The following DNAJB14 variants were observed in gnomAD, a reference collection of about 807,000 sequenced individuals.
DNAJB14 encodes dnaJ homolog subfamily B member 14.
A neutral mutation model predicts 48.4 loss-of-function variants in DNAJB14; 22 were observed. The ratio of observed to expected loss-of-function variants is 0.45; its 90% CI spans 0.32 to 0.65. The LOEUF is 0.65. DNAJB14 is among the 30% of genes least tolerant of loss of function. The pLI is 0.03. For synonymous variants in DNAJB14, 142 were observed against 158.7 expected (o/e 0.89, Z 0.79); for missense variants, 319 against 458.8 (o/e 0.70, Z 2.78).
At chr4:99,908,067 C>CA (rs1212347345) in intron 4 of DNAJB14, among the ~76,000 whole-genome samples, 1 of 151,948 alleles carries the variant, frequency 6.6e-6, no homozygotes, top group African/African-American at 2.4e-5. Context: ...TCACAGTTTC[C>CA]AAAAACCTTA....
chr4:99,905,136 C>T (rs78694606), intron 6 of DNAJB14, among the ~76,000 whole-genome samples: 1,632 of 151,734 alleles, frequency 0.011, 26 homozygotes, highest in African/African-American at 0.036. Context: ...ATGTCCTGAC[C>T]TCTTACACAT....
At chr4:99,908,510 A>C (rs548707198) in intron 4 of DNAJB14, among the ~76,000 whole-genome samples, 1 of 152,194 alleles carries the variant, frequency 6.6e-6, no homozygotes, top group African/African-American at 2.4e-5. Flanking sequence ...TTTTAAATTA[A>C]AATATGTTCT....
In DNAJB14 at chr4:99,940,949, A is replaced by T. The variant is rs1023459656; in HGVS notation, c.133+5490T>A. Among the ~76,000 whole-genome samples the T allele has an allele frequency of 3.9e-3, 594 of 150,768 alleles. 2 individuals are homozygous for T. The highest frequency in any genetic ancestry group is 0.014 in the African/African-American group (562 of 41,160). On this transcript the variant is annotated intron_variant, in intron 1 of 7. Coordinates refer to ENST00000442697, the MANE Select transcript of DNAJB14 (RefSeq NM_001031723.4). ...ACAGAGACAATCCCTATATATATAT[A>T]TATTTTTTTTTTGGAACACTTGGGC... is the stretch of plus-strand genomic sequence containing the variant.
At chr4:99,919,024 G>C (rs1725956399) in intron 3 of DNAJB14, among the ~76,000 whole-genome samples, 1 of 152,120 alleles carries the variant, frequency 6.6e-6, no homozygotes, top group African/African-American at 2.4e-5. Context: ...AGCATAGAGA[G>C]GGTGGTAGCA....
chr4:99,930,429 G>A, intron 2 of DNAJB14, 21 bp downstream of exon 2: 1 of 1,566,160 alleles, frequency 6.4e-7, no homozygotes, highest in Non-Finnish European at 8.6e-7. Context: ...TGATTGAGAT[G>A]TAAACCATAT....
chr4:99,901,637 C>T (rs1243221710), intron 7 of DNAJB14, among the ~76,000 whole-genome samples: 1 of 152,000 alleles, frequency 6.6e-6, no homozygotes, highest in Non-Finnish European at 1.5e-5. Flanking sequence ...ACTGAAGGAA[C>T]ACAGATAAAA....
chr4:99,946,275 G>T (rs771084340), intron 1 of DNAJB14, among the ~76,000 whole-genome samples, 164 bp downstream of exon 1: 4 of 152,158 alleles, frequency 2.6e-5, no homozygotes, highest in Non-Finnish European at 4.4e-5. Flanking sequence ...GCTGGGGCCA[G>T]GGCGGGGGTG....
intron 3 of DNAJB14, among the ~76,000 whole-genome samples, chr4:99,917,911 C>G (rs1320216049): frequency 6.6e-6 from 1 of 151,940 alleles, no homozygotes; most frequent in Non-Finnish European, 1.5e-5. Context: ...AAGCCTTTGT[C>G]TTTAGTTTTC....
At chr4:99,909,211 T>C (rs1725571887) in intron 3 of DNAJB14, among the ~76,000 whole-genome samples, 1 of 152,052 alleles carries the variant, frequency 6.6e-6, no homozygotes, top group Non-Finnish European at 1.5e-5. Context: ...CCAATAACAA[T>C]AGCAGTAGCT....
chr4:99,904,533 G>T (rs1178123095), intron 6 of DNAJB14, among the ~76,000 whole-genome samples: 1 of 151,816 alleles, frequency 6.6e-6, no homozygotes, highest in Non-Finnish European at 1.5e-5. Context: ...TTTAGACTTG[G>T]GTACCATCCT....
chr4:99,911,328 C>G (rs1225421021), intron 3 of DNAJB14, among the ~76,000 whole-genome samples: 2 of 152,002 alleles, frequency 1.3e-5, no homozygotes, highest in Non-Finnish European at 2.9e-5. Context: ...TAGTTTTTGG[C>G]TATTACAAAT....
intron 1 of DNAJB14, among the ~76,000 whole-genome samples, chr4:99,938,096 A>C (rs71614624): frequency 9.4e-6 from 1 of 105,826 alleles, no homozygotes; most frequent in Admixed American, 9.4e-5. Flanking sequence ...TGTTAAAAAT[A>C]CAAAAAAAAA....
intron 1 of DNAJB14, among the ~76,000 whole-genome samples, chr4:99,933,200 T>C (rs1457220193): frequency 6.6e-6 from 1 of 151,908 alleles, no homozygotes. Context: ...ACACTCTCAA[T>C]ATTATGTCTC....
chr4:99,943,843 T>C, intron 1 of DNAJB14, among the ~76,000 whole-genome samples: 1 of 152,120 alleles, frequency 6.6e-6, no homozygotes, highest in East Asian at 1.9e-4. Context: ...TTCTTGAATA[T>C]GACAGCAAAA....
In DNAJB14 at chr4:99,904,190, G is replaced by A. The variant is rs76989818; in HGVS notation, c.843-292C>T. ...AACTAAAAGCCTGTAGTTGTTTGTCGTTGCTATTGTTTAACAGCTGACACG... is the reference window on the plus strand; with the variant it reads ...AACTAAAAGCCTGTAGTTGTTTGTCATTGCTATTGTTTAACAGCTGACACG... On this transcript the variant is annotated intron_variant, in intron 6 of 7. Coordinates refer to ENST00000442697, the MANE Select transcript of DNAJB14 (RefSeq NM_001031723.4). 5.2e-3 allele frequency among the ~76,000 whole-genome samples: 796 copies of A among 152,218 alleles called. 8 individuals are homozygous for A. The highest frequency in any genetic ancestry group is 0.018 in the African/African-American group (767 of 41,556).
intron 1 of DNAJB14, among the ~76,000 whole-genome samples, chr4:99,932,988 T>C (rs1726532397): frequency 6.6e-6 from 1 of 151,208 alleles, no homozygotes; most frequent in Non-Finnish European, 1.5e-5. Flanking sequence ...CAGGGGAGGG[T>C]GGAACTGGGA....
chr4:99,900,394 T>C lies in DNAJB14; in HGVS notation c.*634A>G, dbSNP rs999558828. ...CATAAAACTAAATAGCAAACTGATA[T>C]TCTACACCAGTTCATTTATCTCAAT... On this transcript the variant is annotated 3_prime_UTR_variant, in exon 8 of 8. Coordinates refer to ENST00000442697, the MANE Select transcript of DNAJB14 (RefSeq NM_001031723.4). 1 of 152,052 alleles carries C rather than the reference T, an allele frequency of 6.6e-6. No homozygotes were observed. The highest frequency in any genetic ancestry group is 2.4e-5 in the African/African-American group (1 of 41,452). 9.4% of individuals were successfully genotyped at this position (152,052 alleles called of 1,614,324 possible).
In DNAJB14 at chr4:99,903,903, A is replaced by G. The variant is rs1339468160; in HGVS notation, c.843-5T>C. On this transcript the variant is annotated splice_polypyrimidine_tract_variant and splice_region_variant and intron_variant, in intron 6 of 7. Transcript: ENST00000442697. The stretch of plus-strand genomic sequence containing the variant: ...TTAATAGTTTGCCCAGTTCCACTGT[A>G]AAAGAGATGCATCATTATTTTAATT... 6 of 1,608,204 alleles carry G rather than the reference A, an allele frequency of 3.7e-6. No homozygotes were observed. Among genetic ancestry groups the G allele is most frequent in the Non-Finnish European group, 5.1e-6 (6 of 1,178,132 alleles).
chr4:99,920,716 A>G (rs1726023929), intron 3 of DNAJB14, among the ~76,000 whole-genome samples: 1 of 152,222 alleles, frequency 6.6e-6, no homozygotes. Flanking sequence ...GAGTTCATTT[A>G]GTCCATTCTC....
Sources: allele counts gnomAD v4.1 joint callset (sites outside exome capture counted in the v4.1 genomes callset), GRCh38; gene constraint gnomAD v4.1.1; transcripts MANE v1.5; gene names NCBI Gene and HGNC (gene_info 2026-07-23, HGNC 2026-07-21).